The following HEMK1 variants were observed in gnomAD, a reference collection of about 807,000 sequenced individuals.
The protein encoded by HEMK1 is MTRF1L release factor glutamine methyltransferase.
HEMK1 carries 36 observed loss-of-function variants against 47.9 expected under a neutral mutation model. The ratio of observed to expected loss-of-function variants is 0.75; its 90% confidence interval spans 0.58 to 0.99. The LOEUF is 0.99. Among genes scored for constraint, HEMK1 ranks in the 50% least tolerant of loss-of-function variants. The pLI is 0.00. For missense variants in HEMK1, 383 were observed against 434.5 expected, an observed-to-expected ratio of 0.88 and a Z score of 1.05; for synonymous variants, 153 against 165.4, an observed-to-expected ratio of 0.93 and a Z score of 0.57.
chr3:50,584,825 G>C lies in HEMK1; in HGVS notation c.*4408G>C, dbSNP rs2031214594. 6.6e-6 allele frequency: 1 copy of C among 152,232 alleles called. No individual in the cohort carries two copies. Among genetic ancestry groups the C allele is most frequent in the Non-Finnish European group, 1.5e-5 (1 of 68,048 alleles). 9.4% of individuals were successfully genotyped at this position (152,232 alleles called of 1,614,324 possible). On this transcript the variant is annotated 3_prime_UTR_variant, in exon 11 of 11. Transcript: ENST00000232854. ...AATATAGATTGTGGTGCCCAAATTA[G>C]AGTGCTGCTGTAACACACGCCTACT...
At chr3:50,574,155 C>T (rs1392544528) in intron 4 of HEMK1, among the ~76,000 whole-genome samples, 1 of 152,218 alleles carries the variant, frequency 6.6e-6, no homozygotes. Context: ...TCACCTCTTT[C>T]CCGCATGCGT....
intron 8 of HEMK1, 108 bp from the exon 9 acceptor site, chr3:50,579,734 CCA>C: frequency 2.5e-6 from 2 of 786,326 alleles, no homozygotes; most frequent in Admixed American, 4.8e-5. Context: ...GCCCTTCAGC[CCA>C]GAGTGTAAGT....
At chr3:50,571,656 G>A (rs2107381892) in intron 2 of HEMK1, 54 bp from the exon 3 acceptor site, 2 of 1,516,350 alleles carry the variant, frequency 1.3e-6, no homozygotes, top group Non-Finnish European at 1.8e-6. Flanking sequence ...AAGACACCTG[G>A]GTTGGGGGCC....
intron 6 of HEMK1, 103 bp downstream of exon 6, chr3:50,577,676 G>A (rs766468635): frequency 3.4e-5 from 47 of 1,402,208 alleles, no homozygotes; most frequent in Non-Finnish European, 4.5e-5. Context: ...AAGCAGTGGG[G>A]TAGCCTGGCA....
chr3:50,589,982 T>G lies in HEMK1; in HGVS notation c.*9565T>G, dbSNP rs964619755. ...AGGCCAAGGATCACAAGGTTAGGAGTTCAAGACCAGCCTGGCCAACACAGT... is the reference window on the plus strand; with the variant it reads ...AGGCCAAGGATCACAAGGTTAGGAGGTCAAGACCAGCCTGGCCAACACAGT... On this transcript the variant is annotated 3_prime_UTR_variant, in exon 11 of 11. Coordinates refer to ENST00000232854, the MANE Select transcript of HEMK1 (RefSeq NM_016173.5). 2 of 148,556 alleles carry G rather than the reference T, an allele frequency of 1.3e-5. No homozygotes were observed. Among genetic ancestry groups the G allele is most frequent in the African/African-American group, 5.0e-5 (2 of 39,990 alleles). The allele number at this position is 148,556 out of a possible 1,614,324, so 9.2% of individuals were successfully genotyped here. A position where few individuals can be genotyped will look rare whatever the true frequency, so the allele number is the denominator to read the frequency against.
chr3:50,577,330 G>T (rs1701692342), intron 5 of HEMK1, 144 bp downstream of exon 5: 3 of 1,168,488 alleles, frequency 2.6e-6, no homozygotes, highest in Non-Finnish European at 1.2e-6. Context: ...AGCCCACTGT[G>T]GTTCACAGAC....
Position 50,580,213 on chromosome 3 carries a change from A to C in HEMK1, c.964A>C (p.Arg322=). ...GTACCTTAATCTTGTGGCTGTGCGC[A>C]GGGACTTCTGTGGGAGGTAAGATCC... The part of the protein sequence containing the change: ...DLYLNLVAVR[R]DFCGRPRFLH... The change falls in exon 10 of 11, where the codon AGG becomes CGG. Residue 322 remains arginine (R), a synonymous_variant. Coordinates refer to ENST00000232854, the MANE Select transcript of HEMK1 (RefSeq NM_016173.5). 6.2e-7 allele frequency: 1 copy of C among 1,614,116 alleles called. No individual in the cohort carries two copies. The highest frequency in any genetic ancestry group is 8.5e-7 in the Non-Finnish European group (1 of 1,179,976).
rs1260102249 is a variant in HEMK1 at position 50,583,672 on chromosome 3, C to G, written c.*3255C>G. The G allele has an allele frequency of 6.6e-6, 1 of 152,258 alleles. No individual in the cohort carries two copies. Among genetic ancestry groups the G allele is most frequent in the Non-Finnish European group, 1.5e-5 (1 of 68,076 alleles). 9.4% of individuals were successfully genotyped at this position (152,258 alleles called of 1,614,324 possible). On this transcript the variant is annotated 3_prime_UTR_variant, in exon 11 of 11. Coordinates refer to ENST00000232854, the MANE Select transcript of HEMK1 (RefSeq NM_016173.5). The stretch of plus-strand genomic sequence containing the variant: ...GCTCCTTCTTAGTGGATTCTCTTCT[C>G]TACTGCCCTGGGCTTCAGCCTTTGT...
At chr3:50,578,962 A>T (rs1220584517) in intron 8 of HEMK1, 36 bp downstream of exon 8, 1 of 1,486,284 alleles carries the variant, frequency 6.7e-7, no homozygotes, top group Admixed American at 1.8e-5. Context: ...GCCAGGCCTG[A>T]AAAGGCCTGA....
Position 50,580,382 on chromosome 3 carries a change from C to T in HEMK1, c.982C>T (p.Pro328Ser), listed in dbSNP as rs751123953. ...CAGCCCCTGTCCCTGTCTCCTCAGG[C>T]CCCGGTTCCTGCATATCCGGAGGTC... ...VAVRRDFCGR[P>S]RFLHIRRSGP The change falls in exon 11 of 11, where the codon CCC (proline) becomes TCC (serine). Residue 328 changes from proline to serine, a missense_variant and splice_region_variant. Physicochemically the swap from Pro to Ser is moderately conservative, Grantham distance 74. Coordinates refer to ENST00000232854, the MANE Select transcript of HEMK1 (RefSeq NM_016173.5). The T allele has an allele frequency of 2.5e-6, 4 of 1,614,164 alleles. No homozygotes were observed. The South Asian group carries it at 4.4e-5, about 18-fold the overall frequency.
chr3:50,591,857 T>G lies in HEMK1; in HGVS notation c.*11440T>G, dbSNP rs1271638688. On this transcript the variant is annotated 3_prime_UTR_variant, in exon 11 of 11. Transcript: ENST00000232854. ...GGCTCACTCCTGTAATCCTAGCACT[T>G]TGGGAGGCTGAGTCGGGTGGATCAC... 2.0e-5 allele frequency: 3 copies of G among 152,054 alleles called. No homozygotes were observed. Among genetic ancestry groups the G allele is most frequent in the African/African-American group, 7.3e-5 (3 of 41,332 alleles). 9.4% of individuals were successfully genotyped at this position (152,054 alleles called of 1,614,324 possible). A position where few individuals can be genotyped will look rare whatever the true frequency, so the allele number is the denominator to read the frequency against.
In HEMK1 at chr3:50,579,942, A is replaced by G; in HGVS notation, c.866+3A>G. Reference sequence around the variant, plus strand: ...CCCCGGCTCCTGAAAGACTCTGGGTATGAATGGGATGGGTCTCCTAGGTCT... The same window carrying G: ...CCCCGGCTCCTGAAAGACTCTGGGTGTGAATGGGATGGGTCTCCTAGGTCT... On this transcript the variant is annotated splice_donor_region_variant and intron_variant, in intron 9 of 10. Transcript: ENST00000232854. 1.9e-6 allele frequency: 3 copies of G among 1,609,778 alleles called. No homozygotes were observed. Among genetic ancestry groups the G allele is most frequent in the South Asian group, 1.1e-5 (1 of 90,904 alleles).
Position 50,571,231 on chromosome 3 carries a change from G to T in HEMK1, c.127G>T (p.Glu43Ter), listed in dbSNP as rs1700915100. The T allele has an allele frequency of 6.2e-7, 1 of 1,613,816 alleles. No individual in the cohort carries two copies. Among genetic ancestry groups the T allele is most frequent in the African/African-American group, 1.3e-5 (1 of 74,940 alleles). ...TCTGGCTGGGTTATCCAGTGCCATAGAACTGGTCAGCCACTGGACTGGGGT... is the reference window on the plus strand; with the variant it reads ...TCTGGCTGGGTTATCCAGTGCCATATAACTGGTCAGCCACTGGACTGGGGT... ...PPLAGLSSAI[E>*]LVSHWTGVFE... The change falls in exon 2 of 11, where the codon GAA (glutamate) becomes TAA (stop). Residue 43 changes from glutamate (E) to a stop codon, truncating the protein, a stop_gained. Coordinates refer to ENST00000232854, the MANE Select transcript of HEMK1 (RefSeq NM_016173.5). LOFTEE classifies it high-confidence loss of function.
intron 4 of HEMK1, among the ~76,000 whole-genome samples, chr3:50,575,541 C>T (rs1410761225): frequency 6.6e-6 from 1 of 152,216 alleles, no homozygotes; most frequent in Admixed American, 6.5e-5. Context: ...CCTATTATGG[C>T]GTCTGGTGGG....
At position 50,580,658 on chromosome 3, in the gene HEMK1, G is replaced by C; in HGVS notation, c.*241G>C. 1 of 580,198 alleles carries C rather than the reference G, an allele frequency of 1.7e-6. No individual in the cohort carries two copies. Among genetic ancestry groups the C allele is most frequent in the East Asian group, 2.9e-5 (1 of 34,736 alleles). The allele number at this position is 580,198 out of a possible 1,614,324, so 35.9% of individuals were successfully genotyped here. On this transcript the variant is annotated 3_prime_UTR_variant, in exon 11 of 11. Coordinates refer to ENST00000232854, the MANE Select transcript of HEMK1 (RefSeq NM_016173.5). Reference sequence around the variant, plus strand: ...GGTATCGGGGGATATGGCCAGTAAAGTATTGAGAGACTAACAAATGGTGAC... The same window carrying C: ...GGTATCGGGGGATATGGCCAGTAAACTATTGAGAGACTAACAAATGGTGAC...
At chr3:50,571,890 AATGTCCAAGG>A (rs887523624) in intron 3 of HEMK1, 89 bp downstream of exon 3, 128 of 1,433,682 alleles carry the variant, frequency 8.9e-5, no homozygotes, top group East Asian at 2.3e-4. Flanking sequence ...GGAGGAGGAG[AATGTCCAAGG>A]ACTAGGGAGG....
Position 50,580,861 on chromosome 3 carries a change from G to GC in HEMK1, c.*444_*445insC. On this transcript the variant is annotated 3_prime_UTR_variant, in exon 11 of 11. Coordinates refer to ENST00000232854, the MANE Select transcript of HEMK1 (RefSeq NM_016173.5). ...CTCACTCCTGGCCTTGGATACCATGGGTCCTGGCATAGAGCAGCTCACTCC... is the reference window on the plus strand; with the variant it reads ...CTCACTCCTGGCCTTGGATACCATGGCGTCCTGGCATAGAGCAGCTCACTCC... 1.8e-5 allele frequency: 4 copies of GC among 216,328 alleles called. No homozygotes were observed. Among genetic ancestry groups the GC allele is most frequent in the Admixed American group, 5.3e-5 (1 of 18,798 alleles). The allele number at this position is 216,328 out of a possible 1,614,324, so 13.4% of individuals were successfully genotyped here.
rs1202471242 is a variant in HEMK1, at chr3:50,583,281, C to T, written c.*2864C>T. On this transcript the variant is annotated 3_prime_UTR_variant, in exon 11 of 11. Coordinates refer to ENST00000232854, the MANE Select transcript of HEMK1 (RefSeq NM_016173.5). ...ATACAGCTGCCTTATTGAAATAGGCCCCGAACCCCCTAAATGCAAAAAATA... is the reference window on the plus strand; with the variant it reads ...ATACAGCTGCCTTATTGAAATAGGCTCCGAACCCCCTAAATGCAAAAAATA... 3.3e-5 allele frequency: 5 copies of T among 152,128 alleles called. No homozygotes were observed. Among genetic ancestry groups the T allele is most frequent in the African/African-American group, 1.2e-4 (5 of 41,420 alleles). The allele number at this position is 152,128 out of a possible 1,614,324, so 9.4% of individuals were successfully genotyped here.
At chr3:50,575,227 A>G (rs399971) in intron 4 of HEMK1, among the ~76,000 whole-genome samples, 116,260 of 151,876 alleles carry the variant, frequency 0.77, 45,678 homozygotes, top group Middle Eastern at 0.89. Context: ...GTTCGAGACC[A>G]GCCTGACCAA....
Sources: gnomAD v4.1 joint callset for allele counts (sites outside exome capture counted in the v4.1 genomes callset) on GRCh38, gnomAD v4.1.1 for gene constraint, MANE v1.5 for transcripts, NCBI Gene and HGNC (gene_info 2026-07-23, HGNC 2026-07-21) for gene names.